Variants in TBC1D8 observed in about 807,000 individuals in gnomAD.
The protein encoded by TBC1D8 is TBC1 domain family member 8, also known as BUB2-like protein 1.
In TBC1D8, 65 loss-of-function variants were observed where a neutral mutation model predicts 118.8. The observed-to-expected ratio is 0.55, with a 90% CI of 0.45 to 0.67. The LOEUF is 0.67. Ranked by LOEUF, TBC1D8 falls within the 30% of genes least tolerant of loss-of-function variation. TBC1D8 has a pLI of 0.00. For missense variants in TBC1D8, 1,376 were observed against 1,471.2 expected (o/e 0.94, Z 1.06); for synonymous variants, 566 against 595.8 (o/e 0.95, Z 0.73).
chr2:101,033,850 G>C lies in TBC1D8; in HGVS notation c.1604-92C>G, dbSNP rs996193304. The C allele has an allele frequency of 5.1e-5, 71 of 1,404,360 alleles. 2 individuals are homozygous for C. In the East Asian group the frequency reaches 9.5e-4, roughly 19 times the overall value. The allele number at this position is 1,404,360 out of a possible 1,614,324, so 87.0% of individuals were successfully genotyped here. On this transcript the variant is annotated intron_variant, in intron 9 of 19. Coordinates refer to ENST00000409318, the MANE Select transcript of TBC1D8 (RefSeq NM_001330348.2). ...CTGGTCCCATCAGGGGACCCCAGTG[G>C]GGTCTCGTTACTTACTGAGGGACAA...
At chr2:101,102,506 C>A (rs1574037424) in intron 1 of TBC1D8, among the ~76,000 whole-genome samples, 1 of 148,372 alleles carries the variant, frequency 6.7e-6, no homozygotes, top group Non-Finnish European at 1.5e-5. Context: ...AGTACACCAA[C>A]TAAATGAGAT....
chr2:101,058,952 C>T (rs1322645402), intron 3 of TBC1D8, among the ~76,000 whole-genome samples: 1 of 151,318 alleles, frequency 6.6e-6, no homozygotes, highest in Non-Finnish European at 1.5e-5. Flanking sequence ...GTCGCCCAGG[C>T]GGGAGTGCAG....
At chr2:101,015,902 C>A (rs546974138) in intron 17 of TBC1D8, among the ~76,000 whole-genome samples, 1 of 151,944 alleles carries the variant, frequency 6.6e-6, no homozygotes, top group Non-Finnish European at 1.5e-5. Flanking sequence ...CCCTTCCTTA[C>A]ACCTTATACA....
intron 1 of TBC1D8, among the ~76,000 whole-genome samples, chr2:101,101,731 G>C (rs1256273226): frequency 6.6e-6 from 1 of 152,146 alleles, no homozygotes; most frequent in South Asian, 2.1e-4. Context: ...AAAGGAATGA[G>C]ATCATGTCCT....
chr2:101,036,294 G>T, intron 8 of TBC1D8, 126 bp from the exon 9 acceptor site: 1 of 1,064,110 alleles, frequency 9.4e-7, no homozygotes, highest in Non-Finnish European at 1.4e-6. Context: ...CAACGGGCAA[G>T]GACACCTGTA....
At chr2:101,120,510 G>A (rs1010516890) in intron 1 of TBC1D8, among the ~76,000 whole-genome samples, 6 of 152,284 alleles carry the variant, frequency 3.9e-5, no homozygotes, top group East Asian at 1.9e-4. Context: ...TTTGCACAAC[G>A]AAGCAGGGAC....
chr2:101,086,117 G>A (rs1265092033), intron 2 of TBC1D8, among the ~76,000 whole-genome samples: 1 of 148,540 alleles, frequency 6.7e-6, no homozygotes, highest in Non-Finnish European at 1.5e-5. Flanking sequence ...ACTCTAGCCT[G>A]TGCAACAGAG....
chr2:101,022,569 C>T, intron 15 of TBC1D8, 48 bp from the exon 16 acceptor site: 6 of 1,565,576 alleles, frequency 3.8e-6, no homozygotes, highest in Non-Finnish European at 5.1e-6. Context: ...ATTGAACAAG[C>T]CACGTTATTA....
intron 5 of TBC1D8, among the ~76,000 whole-genome samples, chr2:101,047,693 C>G (rs1681797800): frequency 6.6e-6 from 1 of 152,226 alleles, no homozygotes; most frequent in African/African-American, 2.4e-5. Flanking sequence ...GGGCCAGCCC[C>G]ACGCACCTGC....
intron 2 of TBC1D8, among the ~76,000 whole-genome samples, chr2:101,065,334 G>C (rs1373941444): frequency 1.3e-5 from 2 of 152,174 alleles, no homozygotes; most frequent in Non-Finnish European, 2.9e-5. Context: ...CTAAATGCCT[G>C]GGCTAAAAGC....
In TBC1D8 at chr2:101,090,253, C is replaced by A; in HGVS notation, c.239G>T (p.Gly80Val). ...GSQVYSPIACGELLNGSDVYW... is the reference protein window; with the variant it reads ...GSQVYSPIACVELLNGSDVYW... ...AACGTCTGATCCATTCAGTAACTCACCACATGCTATGGGAGAATAAACCTG... is the reference window on the plus strand; with the variant it reads ...AACGTCTGATCCATTCAGTAACTCAACACATGCTATGGGAGAATAAACCTG... Residue 80 changes from glycine (G) to valine (V), a missense_variant, in exon 2 of 20, where the codon GGT (glycine) becomes GTT (valine). Gly to Val is a moderately radical substitution (Grantham distance 109, BLOSUM62 -3). Transcript: ENST00000409318. 1 of 1,613,972 alleles carries A rather than the reference C, an allele frequency of 6.2e-7. No homozygotes were observed. The highest frequency in any genetic ancestry group is 8.5e-7 in the Non-Finnish European group (1 of 1,179,886).
chr2:101,047,133 G>A (rs1307749239), intron 5 of TBC1D8, among the ~76,000 whole-genome samples: 1 of 152,152 alleles, frequency 6.6e-6, no homozygotes, highest in East Asian at 1.9e-4. Context: ...GGACTCCGAG[G>A]CTATGATGCA....
At chr2:101,051,201 T>A (rs1264382275) in intron 4 of TBC1D8, among the ~76,000 whole-genome samples, 1 of 152,200 alleles carries the variant, frequency 6.6e-6, no homozygotes, top group Non-Finnish European at 1.5e-5. Flanking sequence ...CTATTGTGAA[T>A]AGTGCTGCAA....
intron 17 of TBC1D8, among the ~76,000 whole-genome samples, chr2:101,013,640 G>A (rs1422844777): frequency 1.3e-5 from 2 of 152,130 alleles, no homozygotes; most frequent in Non-Finnish European, 2.9e-5. Context: ...TAGCCTTAGG[G>A]ACCTTCATTA....
intron 17 of TBC1D8, among the ~76,000 whole-genome samples, chr2:101,015,268 G>C (rs1464351297): frequency 1.3e-5 from 2 of 152,164 alleles, no homozygotes; most frequent in African/African-American, 2.4e-5. Context: ...TACCTGTATA[G>C]ACCACTTACT....
At chr2:101,084,500 G>A (rs1174622548) in intron 2 of TBC1D8, among the ~76,000 whole-genome samples, 3 of 152,162 alleles carry the variant, frequency 2.0e-5, no homozygotes, top group Non-Finnish European at 2.9e-5. Flanking sequence ...GCAGTAAGCC[G>A]AGATCGCATG....
At position 101,036,076 on chromosome 2, in the gene TBC1D8, C is replaced by T; in HGVS notation, c.1545G>A (p.Lys515=). ...ATTCAGGGATGCCCATGGCTACGAG[C>T]TTCCGAATCTTCTCTGTGCGAAACA... is the stretch of plus-strand genomic sequence containing the variant. ...VCMFRTEKIR[K]LVAMGIPESL... is the part of the protein sequence containing the mutation. The change falls in exon 9 of 20, where the codon AAG becomes AAA. Residue 515 remains lysine (K), a synonymous_variant. Coordinates refer to ENST00000409318, the MANE Select transcript of TBC1D8 (RefSeq NM_001330348.2). The T allele has an allele frequency of 6.2e-7, 1 of 1,614,038 alleles. No individual in the cohort carries two copies. The highest frequency in any genetic ancestry group is 8.5e-7 in the Non-Finnish European group (1 of 1,179,902).
chr2:101,117,623 G>C (rs1005788540), intron 1 of TBC1D8, among the ~76,000 whole-genome samples: 3 of 148,822 alleles, frequency 2.0e-5, no homozygotes, highest in Non-Finnish European at 3.0e-5. Flanking sequence ...GCCCAGGCTG[G>C]AGTGCAGTGG....
chr2:101,065,654 G>C (rs920737896), intron 2 of TBC1D8, among the ~76,000 whole-genome samples: 2 of 152,150 alleles, frequency 1.3e-5, no homozygotes, highest in South Asian at 4.1e-4. Flanking sequence ...TCTCACTATA[G>C]AGTTTAAGAA....
Sources: gnomAD v4.1 joint callset for allele counts (sites outside exome capture counted in the v4.1 genomes callset) on GRCh38, gnomAD v4.1.1 for gene constraint, MANE v1.5 for transcripts, NCBI Gene and HGNC (gene_info 2026-07-23, HGNC 2026-07-21) for gene names.